The following FOXP1 variants were observed in gnomAD, a reference collection of about 807,000 sequenced individuals.
FOXP1 encodes the protein forkhead box P1.
Under a neutral mutation model 98.2 loss-of-function variants are expected in FOXP1, and 15 were observed. The ratio of observed to expected loss-of-function variants is 0.15; its 90% CI spans 0.10 to 0.24. The LOEUF (loss-of-function observed/expected upper bound fraction) is 0.24. Among genes scored for constraint, FOXP1 ranks in the 10% least tolerant of loss-of-function variants. The pLI is 1.00. For missense variants in FOXP1, 633 were observed against 848.5 expected (o/e 0.75, Z 3.15); for synonymous variants, 371 against 314.5 (o/e 1.18, Z -1.90).
chr3:71,381,153 C>CTT (rs375670056), intron 3 of FOXP1, among the ~76,000 whole-genome samples: 38,756 of 139,448 alleles, frequency 0.28, 6,747 homozygotes, highest in Non-Finnish European at 0.4. Context: ...GAGGTTCTCT[C>CTT]TTTTTTTTTT....
intron 14 of FOXP1, among the ~76,000 whole-genome samples, chr3:70,986,288 C>T (rs1012611996): frequency 1.3e-5 from 2 of 152,322 alleles, no homozygotes; most frequent in Non-Finnish European, 2.9e-5. Context: ...AGCCCGGTCA[C>T]TCGCCAAGCG....
chr3:71,130,964 C>T (rs1277685519), intron 6 of FOXP1: 2 of 1,184,598 alleles, frequency 1.7e-6, no homozygotes, highest in Non-Finnish European at 2.1e-6. Context: ...CTCATTCACG[C>T]AGACAAATAC....
Position 71,331,384 on chromosome 3 carries a change from C to A in FOXP1, c.-73+27766G>T, listed in dbSNP as rs193098137. ...CTGAGCCTCCCCCCTCCCCACCCCC[C>A]GCCATGGGCTCCTGCGCAGCCCAAG... On this transcript the variant is annotated intron_variant, in intron 4 of 20. Coordinates refer to ENST00000649528, the MANE Select transcript of FOXP1 (RefSeq NM_001349338.3). Among the ~76,000 whole-genome samples, 170 of 152,150 alleles carry A rather than the reference C, an allele frequency of 1.1e-3. 2 individuals carry two copies. Among genetic ancestry groups the A allele is most frequent in the East Asian group, 8.1e-3 (42 of 5,166 alleles).
intron 3 of FOXP1, among the ~76,000 whole-genome samples, chr3:71,429,605 T>C (rs938407643): frequency 6.6e-6 from 1 of 152,142 alleles, no homozygotes; most frequent in African/African-American, 2.4e-5. Context: ...TGAAAGAGTA[T>C]TGTATTTGAA....
intron 3 of FOXP1, among the ~76,000 whole-genome samples, chr3:71,408,943 C>T (rs967998477): frequency 2.6e-5 from 4 of 152,184 alleles, no homozygotes; most frequent in South Asian, 2.1e-4. Context: ...AGAAATGCCA[C>T]GTTTAGCTTA....
At chr3:71,397,077 T>TATATGTGTGTATATATATATAC (rs2081552779) in intron 3 of FOXP1, among the ~76,000 whole-genome samples, 3 of 57,952 alleles carry the variant, frequency 5.2e-5, no homozygotes, top group African/African-American at 7.4e-5. Flanking sequence ...TATATATACA[T>TATATGTGTGTATATATATATAC]ATATATGTGT....
At chr3:71,014,397 A>G (rs573725370) in intron 12 of FOXP1, among the ~76,000 whole-genome samples, 1 of 152,340 alleles carries the variant, frequency 6.6e-6, no homozygotes, top group South Asian at 2.1e-4. Flanking sequence ...AAAAATGCTC[A>G]TCATCACTGG....
chr3:71,451,535 GTTTTT>G (rs57747030), intron 3 of FOXP1, among the ~76,000 whole-genome samples: 1 of 149,762 alleles, frequency 6.7e-6, no homozygotes, highest in African/African-American at 2.5e-5. Flanking sequence ...ATTTAAATGA[GTTTTT>G]TTTTTAACAC....
At chr3:71,460,861 C>T (rs1013994941) in intron 3 of FOXP1, among the ~76,000 whole-genome samples, 3 of 152,104 alleles carry the variant, frequency 2.0e-5, no homozygotes, top group Admixed American at 6.6e-5. Flanking sequence ...GATTGTACAC[C>T]GTATCTAGCT....
chr3:71,242,232 T>G (rs1459732335), intron 5 of FOXP1, among the ~76,000 whole-genome samples: 1 of 152,200 alleles, frequency 6.6e-6, no homozygotes, highest in Non-Finnish European at 1.5e-5. Context: ...CGTGTTCAAA[T>G]CGTGCTGAGT....
intron 6 of FOXP1, among the ~76,000 whole-genome samples, chr3:71,120,145 G>A (rs530334270): frequency 5.3e-5 from 8 of 152,274 alleles, no homozygotes; most frequent in African/African-American, 1.9e-4. Context: ...CTTACAGGGG[G>A]TAATGACCAT....
At chr3:71,316,020 A>G (rs1012109450) in intron 4 of FOXP1, among the ~76,000 whole-genome samples, 1 of 152,208 alleles carries the variant, frequency 6.6e-6, no homozygotes, top group African/African-American at 2.4e-5. Flanking sequence ...AAGAGGCAGC[A>G]AAGTGAAGTG....
intron 4 of FOXP1, among the ~76,000 whole-genome samples, chr3:71,319,891 T>C (rs984224980): frequency 1.3e-5 from 2 of 152,274 alleles, no homozygotes; most frequent in Middle Eastern, 3.4e-3. Flanking sequence ...GCCTAGCCAA[T>C]GGGGCCAAAC....
At chr3:71,184,756 CG>C (rs1015963031) in intron 6 of FOXP1, among the ~76,000 whole-genome samples, 9 of 148,744 alleles carry the variant, frequency 6.1e-5, no homozygotes, top group East Asian at 5.9e-4. Flanking sequence ...AGCTGTGTAA[CG>C]TTTTTTTTTT....
intron 3 of FOXP1, among the ~76,000 whole-genome samples, chr3:71,394,893 G>T (rs940377252): frequency 1.3e-5 from 2 of 152,048 alleles, no homozygotes; most frequent in African/African-American, 4.8e-5. Context: ...CTGAGGTCGG[G>T]AGTTCGAGAC....
intron 3 of FOXP1, among the ~76,000 whole-genome samples, chr3:71,401,677 A>G (rs1400372348): frequency 6.6e-6 from 1 of 152,250 alleles, no homozygotes. Context: ...TTTGCTGGGC[A>G]TCTGGAACTG....
At chr3:70,984,187 G>A (rs2039350565) in intron 14 of FOXP1, among the ~76,000 whole-genome samples, 3 of 152,146 alleles carry the variant, frequency 2.0e-5, no homozygotes, top group African/African-American at 7.2e-5. Flanking sequence ...TACTACATAC[G>A]TCCACGCAGG....
At position 70,979,279 on chromosome 3, in the gene FOXP1, CAAAAA is replaced by C. The variant is rs544916383; in HGVS notation, c.1147-1255_1147-1251del. On this transcript the variant is annotated intron_variant, in intron 14 of 20. Transcript: ENST00000649528. ...TGGGTGATAGAGTGAGACTCTACCT[CAAAAA>C]AAAAAAAAAAAAAAAAAAAAAAAAA... Among the ~76,000 whole-genome samples, 271 of 42,348 alleles carry C rather than the reference CAAAAA, an allele frequency of 6.4e-3. 3 individuals are homozygous for C. In the East Asian group the frequency reaches 0.084, roughly 13 times the overall value. The allele number at this position is 42,348 out of a possible 152,430, so 27.8% of individuals were successfully genotyped here.
At chr3:71,579,253 G>GT (rs1409359637) in intron 2 of FOXP1, among the ~76,000 whole-genome samples, 2 of 151,966 alleles carry the variant, frequency 1.3e-5, no homozygotes, top group Non-Finnish European at 2.9e-5. Context: ...GTGTTACACA[G>GT]TTTATACTCC....
Sources: gnomAD v4.1 joint callset for allele counts (sites outside exome capture counted in the v4.1 genomes callset) on GRCh38, gnomAD v4.1.1 for gene constraint, MANE v1.5 for transcripts, NCBI Gene and HGNC (gene_info 2026-07-23, HGNC 2026-07-21) for gene names.